CSMD1: variants seen among roughly 807,000 people sequenced by gnomAD.
CSMD1 encodes CUB and sushi domain-containing protein 1.
A neutral mutation model predicts 417.5 loss-of-function variants in CSMD1; 213 were observed. The ratio of observed to expected loss-of-function variants is 0.51; its 90% CI spans 0.46 to 0.57. CSMD1 has a LOEUF of 0.57. CSMD1 is among the 20% of genes least tolerant of loss of function. The pLI is 0.00. For synonymous variants in CSMD1, 2,862 were observed against 1,736.8 expected (o/e 1.65, Z -16.11); for missense variants, 6,923 against 4,529.7 (o/e 1.53, Z -15.17).
At chr8:3,603,772 A>G (rs911826785) in intron 8 of CSMD1, among the ~76,000 whole-genome samples, 4 of 152,236 alleles carry the variant, frequency 2.6e-5, no homozygotes, top group Non-Finnish European at 5.9e-5. Context: ...TGTTTCATCT[A>G]TTAGTAAACT....
intron 3 of CSMD1, among the ~76,000 whole-genome samples, chr8:4,393,663 C>G (rs950171431): frequency 1.3e-5 from 2 of 152,148 alleles, no homozygotes; most frequent in East Asian, 3.9e-4. Context: ...AGCCCAGTCA[C>G]CTTCACACTC....
At chr8:3,342,102 GCTTT>G (rs1220621681) in intron 23 of CSMD1, among the ~76,000 whole-genome samples, 2 of 152,108 alleles carry the variant, frequency 1.3e-5, no homozygotes, top group Admixed American at 1.3e-4. Flanking sequence ...TAATTCATAG[GCTTT>G]CTATTTACTC....
chr8:4,100,689 G>A (rs139807669), intron 3 of CSMD1, among the ~76,000 whole-genome samples: 82 of 152,164 alleles, frequency 5.4e-4, no homozygotes, highest in African/African-American at 2.0e-3. Context: ...ATTCATACTG[G>A]GAGACTCTTT....
At chr8:4,591,670 G>T (rs538922067) in intron 2 of CSMD1, among the ~76,000 whole-genome samples, 3 of 152,204 alleles carry the variant, frequency 2.0e-5, no homozygotes, top group Non-Finnish European at 4.4e-5. Flanking sequence ...GTCAGTGTCA[G>T]ATTGGAACAG....
At chr8:4,955,686 C>T (rs962153431) in intron 1 of CSMD1, among the ~76,000 whole-genome samples, 1 of 152,138 alleles carries the variant, frequency 6.6e-6, no homozygotes, top group Non-Finnish European at 1.5e-5. Flanking sequence ...GAACTCCTGA[C>T]CTCAGGTGAT....
rs73182039 is a variant in CSMD1, at chr8:4,008,937, C to T, written c.611-10827G>A. Among the ~76,000 whole-genome samples the T allele has an allele frequency of 3.2e-3, 484 of 152,170 alleles. 3 individuals are homozygous for T. Among genetic ancestry groups the T allele is most frequent in the Non-Finnish European group, 5.8e-3 (394 of 68,006 alleles). On this transcript the variant is annotated intron_variant, in intron 4 of 69. Coordinates refer to ENST00000635120, the MANE Select transcript of CSMD1 (RefSeq NM_033225.6). ...ATTCAGTATTTTCTAAATTGTGCTC[C>T]TATGATTTCCATGCCAAAGAGTTAA...
intron 3 of CSMD1, among the ~76,000 whole-genome samples, chr8:4,165,561 C>G (rs541894166): frequency 6.6e-6 from 1 of 152,180 alleles, no homozygotes; most frequent in African/African-American, 2.4e-5. Context: ...ACCACCATGC[C>G]CAGCTAATTT....
At chr8:3,485,667 T>A (rs1817987274) in intron 11 of CSMD1, among the ~76,000 whole-genome samples, 1 of 151,570 alleles carries the variant, frequency 6.6e-6, no homozygotes. Flanking sequence ...GACTGAGGCA[T>A]GAGAATCCCT....
rs77836924 is a variant in CSMD1 at position 4,772,143 on chromosome 8, G to A, written c.86-134585C>T. ...TTGGGTCCACCGAGAGCAGAAGTCA[G>A]TTCCTTGTGGTGGTAGGGATGAAGT... On this transcript the variant is annotated intron_variant, in intron 1 of 69. Transcript: ENST00000635120. Among the ~76,000 whole-genome samples, 791 of 152,228 alleles carry A rather than the reference G, an allele frequency of 5.2e-3. 16 individuals are homozygous for A. The highest frequency in any genetic ancestry group is 0.038 in the Admixed American group (580 of 15,248).
At position 2,963,153 on chromosome 8, in the gene CSMD1, A is replaced by G. The variant is rs536973823; in HGVS notation, c.9454+69T>C. On this transcript the variant is annotated intron_variant, in intron 60 of 69. Transcript: ENST00000635120. ...AAGGTCCTCAGATTGTAACCTTAGG[A>G]TGTGCCCTGGTTATCCGTCCCTGTT... is the stretch of plus-strand genomic sequence containing the variant. The G allele has an allele frequency of 4.6e-5, 70 of 1,537,008 alleles. 1 individual carries two copies. In the South Asian group the frequency reaches 6.6e-4, roughly 14 times the overall value.
intron 65 of CSMD1, among the ~76,000 whole-genome samples, chr8:2,952,202 T>C (rs184153478): frequency 1.3e-3 from 194 of 152,348 alleles, no homozygotes; most frequent in African/African-American, 4.3e-3. Context: ...TTTAATTAGA[T>C]AAGATTCATG....
intron 1 of CSMD1, among the ~76,000 whole-genome samples, chr8:4,803,619 G>C (rs577487463): frequency 6.6e-6 from 1 of 152,072 alleles, no homozygotes; most frequent in African/African-American, 2.4e-5. Flanking sequence ...TTACTGAAAA[G>C]ATCTATGTCT....
At chr8:3,516,879 T>A (rs1030543330) in intron 10 of CSMD1, among the ~76,000 whole-genome samples, 1 of 152,176 alleles carries the variant, frequency 6.6e-6, no homozygotes, top group African/African-American at 2.4e-5. Flanking sequence ...CACACACATG[T>A]TTATAGCAGC....
chr8:4,102,206 T>C (rs17332560), intron 3 of CSMD1, among the ~76,000 whole-genome samples: 14,510 of 152,276 alleles, frequency 0.095, 793 homozygotes, highest in Middle Eastern at 0.18. Flanking sequence ...GTCTCTTTTG[T>C]AATTTAGGAC....
intron 7 of CSMD1, among the ~76,000 whole-genome samples, chr8:3,658,495 T>A (rs1223112614): frequency 6.9e-6 from 1 of 144,390 alleles, no homozygotes; most frequent in Non-Finnish European, 1.5e-5. Context: ...ATTTAAAGCT[T>A]TCCTTGGTCG....
intron 17 of CSMD1, among the ~76,000 whole-genome samples, chr8:3,391,837 C>A (rs377462400): frequency 1.3e-5 from 2 of 152,100 alleles, no homozygotes; most frequent in Non-Finnish European, 2.9e-5. Context: ...GAAGAAGCGT[C>A]ATTAATAATT....
intron 1 of CSMD1, among the ~76,000 whole-genome samples, chr8:4,991,618 G>A (rs1440854003): frequency 6.6e-6 from 1 of 152,156 alleles, no homozygotes; most frequent in Non-Finnish European, 1.5e-5. Context: ...CCCCGGGAAA[G>A]CCCTGCTGCT....
At chr8:3,706,451 T>G (rs1485665292) in intron 7 of CSMD1, among the ~76,000 whole-genome samples, 1 of 152,238 alleles carries the variant, frequency 6.6e-6, no homozygotes, top group Non-Finnish European at 1.5e-5. Flanking sequence ...GCTCAAGGTT[T>G]CCATTCCTCA....
At chr8:3,562,016 C>T (rs573427975) in intron 10 of CSMD1, among the ~76,000 whole-genome samples, 7 of 152,002 alleles carry the variant, frequency 4.6e-5, no homozygotes, top group Non-Finnish European at 1.0e-4. Context: ...AAGGAGGAGT[C>T]CTGACTTTAC....
Sources: gnomAD v4.1 joint callset for allele counts (sites outside exome capture counted in the v4.1 genomes callset) on GRCh38, gnomAD v4.1.1 for gene constraint, MANE v1.5 for transcripts, NCBI Gene and HGNC (gene_info 2026-07-23, HGNC 2026-07-21) for gene names.